The following DMXL2 variants were observed in gnomAD, a reference collection of about 807,000 sequenced individuals.
DMXL2 encodes the protein Dmx like 2, also known as dmX-like protein 2.
Under a neutral mutation model 331.1 loss-of-function variants are expected in DMXL2, and 103 were observed. The observed-to-expected ratio is 0.31, with a 90% CI of 0.27 to 0.37. The LOEUF is 0.37. Among genes scored for constraint, DMXL2 ranks in the 10% least tolerant of loss-of-function variants. The probability of loss-of-function intolerance (pLI) is 1.00; values close to 1 mark genes in which losing one functional copy is unlikely to be tolerated. For synonymous variants in DMXL2, 1,281 were observed against 1,252.1 expected, an observed-to-expected ratio of 1.02 and a Z score of -0.49; for missense variants, 3,171 against 3,642.9, an observed-to-expected ratio of 0.87 and a Z score of 3.33.
chr15:51,509,487 C>T (rs2046621456), intron 15 of DMXL2, among the ~76,000 whole-genome samples: 1 of 152,196 alleles, frequency 6.6e-6, no homozygotes, highest in Non-Finnish European at 1.5e-5. Flanking sequence ...GACACATACA[C>T]CCTCCAAAGA....
chr15:51,498,315 C>T (rs2043332266), intron 18 of DMXL2, among the ~76,000 whole-genome samples: 1 of 152,140 alleles, frequency 6.6e-6, no homozygotes, highest in African/African-American at 2.4e-5. Context: ...ACAAAGGTTT[C>T]AGTGTAAAAA....
At chr15:51,612,184 T>C (rs764188186) in intron 1 of DMXL2, among the ~76,000 whole-genome samples, 13 of 152,346 alleles carry the variant, frequency 8.5e-5, no homozygotes, top group African/African-American at 2.4e-4. Context: ...GCAGACTTAA[T>C]TTCACGTACC....
At chr15:51,535,145 A>G (rs1242982032) in intron 13 of DMXL2, among the ~76,000 whole-genome samples, 1 of 152,206 alleles carries the variant, frequency 6.6e-6, no homozygotes, top group Non-Finnish European at 1.5e-5. Context: ...TTGTTTTTAT[A>G]GGTAAATGGA....
In DMXL2 at chr15:51,535,780, T is replaced by A. The variant is rs750889908; in HGVS notation, c.2319A>T (p.Thr773=). 8 of 1,600,844 alleles carry A rather than the reference T, an allele frequency of 5.0e-6. No individual in the cohort carries two copies. The South Asian group carries it at 5.7e-5, about 11-fold the overall frequency. Residue 773 remains threonine (T), a synonymous_variant, in exon 13 of 44, where the codon ACA becomes ACT. Transcript: ENST00000560891. ...PTLIPSYCLG[T]YCNSASACFV... is the part of the protein sequence containing the mutation. Reference sequence around the variant, plus strand: ...AGCAAGCACTTGCAGAATTGCAGTATGTGCCTGAGAAAGGAAAACAAGGCC... The same window carrying A: ...AGCAAGCACTTGCAGAATTGCAGTAAGTGCCTGAGAAAGGAAAACAAGGCC...
At chr15:51,539,793 C>CA (rs1216937099) in intron 9 of DMXL2, among the ~76,000 whole-genome samples, 1 of 151,792 alleles carries the variant, frequency 6.6e-6, no homozygotes, top group Non-Finnish European at 1.5e-5. Flanking sequence ...CTCCTCCGCC[C>CA]AAAAAATGGT....
At chr15:51,574,743 T>C (rs985132115) in intron 2 of DMXL2, among the ~76,000 whole-genome samples, 2 of 152,222 alleles carry the variant, frequency 1.3e-5, no homozygotes, top group Admixed American at 1.3e-4. Flanking sequence ...TTATTTACAT[T>C]AAACCATCTC....
Position 51,474,386 on chromosome 15 carries a change from T to G in DMXL2, c.7171A>C (p.Lys2391Gln), listed in dbSNP as rs759266346. ...MWAAVFGGGV[K>Q]LVVKPRRQSE... is the part of the protein sequence containing the mutation. ...TGTCTTCGAGGTTTCACAACAAGTT[T>G]TACACCGCCTCCAAAAACAGCAGCC... is the stretch of plus-strand genomic sequence containing the variant. Residue 2391 changes from lysine to glutamine, a missense_variant, in exon 28 of 44, where the codon AAA becomes CAA. By Grantham distance (53) the Lys-to-Gln change is moderately conservative. Coordinates refer to ENST00000560891, the MANE Select transcript of DMXL2 (RefSeq NM_001378457.1). 6.2e-7 allele frequency: 1 copy of G among 1,613,582 alleles called. No individual in the cohort carries two copies. Among genetic ancestry groups the G allele is most frequent in the Admixed American group, 1.7e-5 (1 of 59,990 alleles).
intron 13 of DMXL2, among the ~76,000 whole-genome samples, chr15:51,524,398 C>T (rs1027017854): frequency 1.3e-5 from 2 of 152,112 alleles, no homozygotes. Context: ...GCAAGAACAC[C>T]AATTTAACCA....
At position 51,486,260 on chromosome 15, in the gene DMXL2, T is replaced by C. The variant is rs146593554; in HGVS notation, c.5295A>G (p.Ser1765=). The change falls in exon 23 of 44, where the codon TCA becomes TCG. Residue 1765 remains serine (S), a synonymous_variant. Coordinates refer to ENST00000560891, the MANE Select transcript of DMXL2 (RefSeq NM_001378457.1). The stretch of plus-strand genomic sequence containing the variant: ...GATTTAGGATGGATATATAAGTGGA[T>C]GAAGTCTCAAATTCAGATTCATATA... ...ARLYESEFET[S]STYISILNQK... The C allele has an allele frequency of 2.5e-6, 4 of 1,613,356 alleles. No individual in the cohort carries two copies. In the African/African-American group the frequency reaches 5.3e-5, roughly 22 times the overall value.
intron 15 of DMXL2, among the ~76,000 whole-genome samples, chr15:51,510,996 A>G (rs28854610): frequency 0.45 from 68,877 of 152,036 alleles, 16,064 homozygotes; most frequent in Non-Finnish European, 0.5. Context: ...CCACATGCAG[A>G]AAACTGAAAC....
At chr15:51,554,309 A>T (rs2049409426) in intron 6 of DMXL2, among the ~76,000 whole-genome samples, 1 of 152,240 alleles carries the variant, frequency 6.6e-6, no homozygotes, top group South Asian at 2.1e-4. Context: ...AAATATGAGT[A>T]ACAAAAAAAA....
intron 18 of DMXL2, among the ~76,000 whole-genome samples, chr15:51,498,190 T>C (rs1009403897): frequency 1.3e-5 from 2 of 152,108 alleles, no homozygotes; most frequent in African/African-American, 4.8e-5. Context: ...CAGTGACCCA[T>C]GACTGCACCG....
At chr15:51,594,674 T>C (rs1032979037) in intron 1 of DMXL2, among the ~76,000 whole-genome samples, 2 of 152,154 alleles carry the variant, frequency 1.3e-5, no homozygotes, top group Non-Finnish European at 2.9e-5. Flanking sequence ...AATAAAATAC[T>C]GGCAAACCAA....
At position 51,480,588 on chromosome 15, in the gene DMXL2, G is replaced by A; in HGVS notation, c.6518C>T (p.Ala2173Val). 1 of 1,556,828 alleles carries A rather than the reference G, an allele frequency of 6.4e-7. No homozygotes were observed. Among genetic ancestry groups the A allele is most frequent in the Non-Finnish European group, 8.7e-7 (1 of 1,148,398 alleles). Residue 2173 changes from alanine (A) to valine (V), a missense_variant, in exon 24 of 44, where the codon GCT becomes GTT. Around this residue, in one of 7 missense-constraint regions of DMXL2, gnomAD observed 197 missense variants for 196.2 expected, o/e 1.00. Coordinates refer to ENST00000560891, the MANE Select transcript of DMXL2 (RefSeq NM_001378457.1). ...AAATTTGAGTTCCATCCTTACTGAA[G>A]CCAAACCACCACCTTGGGCCCCATG... is the stretch of plus-strand genomic sequence containing the variant. The part of the protein sequence containing the change: ...SLHGAQGGGL[A>V]SVRMELKFLL...
intron 23 of DMXL2, among the ~76,000 whole-genome samples, chr15:51,482,245 C>G (rs1028519045): frequency 2.0e-5 from 3 of 152,030 alleles, no homozygotes; most frequent in Non-Finnish European, 4.4e-5. Flanking sequence ...ACATCCTTAG[C>G]AGAATGTACC....
At position 51,464,712 on chromosome 15, in the gene DMXL2, T is replaced by C; in HGVS notation, c.7771A>G (p.Asn2591Asp). The stretch of plus-strand genomic sequence containing the variant: ...TTTTCAGGTTCTAGCATTGCTTTAT[T>C]TCGAAGAATAGCTGGTCCAGCTCCC... ...SVGAGPAILR[N>D]KAMLEPENTP... is the part of the protein sequence containing the mutation. The change falls in exon 32 of 44, where the codon AAT becomes GAT. Residue 2591 changes from asparagine to aspartate, a missense_variant. Physicochemically the swap from Asn to Asp is conservative, Grantham distance 23. Coordinates refer to ENST00000560891, the MANE Select transcript of DMXL2 (RefSeq NM_001378457.1). 1 of 1,614,136 alleles carries C rather than the reference T, an allele frequency of 6.2e-7. No homozygotes were observed. The highest frequency in any genetic ancestry group is 8.5e-7 in the Non-Finnish European group (1 of 1,180,008).
intron 23 of DMXL2, among the ~76,000 whole-genome samples, chr15:51,485,614 T>C (rs1027905688): frequency 1.3e-5 from 2 of 152,222 alleles, no homozygotes; most frequent in Non-Finnish European, 2.9e-5. Context: ...TTAAAACGTA[T>C]TTAACTATTC....
intron 2 of DMXL2, 106 bp downstream of exon 2, chr15:51,575,950 A>G (rs2050997832): frequency 1.0e-5 from 12 of 1,146,876 alleles, no homozygotes; most frequent in Non-Finnish European, 1.4e-5. Context: ...TCACCCAAGC[A>G]ATACATAAGA....
At chr15:51,466,379 A>G (rs2040575242) in intron 29 of DMXL2, 68 bp from the exon 30 acceptor site, 4 of 540,868 alleles carry the variant, frequency 7.4e-6, no homozygotes, top group South Asian at 1.5e-4. Context: ...TATATTTTAT[A>G]TAACATGTAT....
Sources: gnomAD v4.1 joint callset for allele counts (sites outside exome capture counted in the v4.1 genomes callset) on GRCh38, gnomAD v4.1.1 for gene constraint, gnomAD v4.1.1 regional missense constraint, MANE v1.5 for transcripts, NCBI Gene and HGNC (gene_info 2026-07-23, HGNC 2026-07-21) for gene names.